CDC27: variants seen among roughly 807,000 people sequenced by gnomAD.
CDC27 encodes the protein cell division cycle 27.
In CDC27, 27 loss-of-function variants were observed where a neutral mutation model predicts 109.7. The ratio of observed to expected loss-of-function variants is 0.25; its 90% CI spans 0.18 to 0.34. CDC27 has a LOEUF of 0.34. Among genes scored for constraint, CDC27 ranks in the 10% least tolerant of loss-of-function variants. CDC27 has a pLI of 1.00. For missense variants in CDC27, 579 were observed against 960.2 expected (o/e 0.60, Z 5.25); for synonymous variants, 266 against 333.9 (o/e 0.80, Z 2.22).
chr17:47,171,582 T>G (rs1660436912), intron 3 of CDC27, among the ~76,000 whole-genome samples: 2 of 152,208 alleles, frequency 1.3e-5, no homozygotes, highest in Admixed American at 1.3e-4. Flanking sequence ...CAAGGGAGCC[T>G]TAATCTCAAG....
At chr17:47,123,986 A>C (rs1167118267) in intron 16 of CDC27, 26 bp from the exon 17 acceptor site, 2 of 1,520,080 alleles carry the variant, frequency 1.3e-6, no homozygotes, top group Non-Finnish European at 1.8e-6. Flanking sequence ...AAAAACCTTA[A>C]AGTAGCAAAA....
chr17:47,160,009 T>C (rs1008451658), intron 4 of CDC27: 1 of 239,680 alleles, frequency 4.2e-6, no homozygotes, highest in African/African-American at 2.3e-5. Context: ...TTCTTTTTTT[T>C]TTTTTTCAAA....
intron 16 of CDC27, among the ~76,000 whole-genome samples, chr17:47,125,235 CTTTTTTTTTT>C (rs58631604): frequency 7.9e-4 from 38 of 48,024 alleles, no homozygotes; most frequent in Non-Finnish European, 1.0e-3. Flanking sequence ...TTAAAGAAAT[CTTTTTTTTTT>C]TTTTTTTTTT....
rs767355429 is a variant in CDC27 at position 47,132,384 on chromosome 17, T to C, written c.1914-10A>G. On this transcript the variant is annotated splice_polypyrimidine_tract_variant and intron_variant, in intron 14 of 18. Coordinates refer to ENST00000066544, the MANE Select transcript of CDC27 (RefSeq NM_001256.6). ...CATTCCTAAACCATACCTGAAAGTA[T>C]AAAACAAAGTATAATTTTAAAAATA... The C allele has an allele frequency of 8.0e-7, 1 of 1,255,154 alleles. No homozygotes were observed. Among genetic ancestry groups the C allele is most frequent in the Non-Finnish European group, 1.1e-6 (1 of 884,100 alleles). 77.8% of individuals were successfully genotyped at this position (1,255,154 alleles called of 1,614,324 possible).
rs747188366 is a variant in CDC27, at chr17:47,157,127, G to A, written c.631-3C>T. ...TCTAAATTCAATCTGTTTAATTCCT[G>A]AAACAGAAAATTTCTACCAAGTCAT... is the stretch of plus-strand genomic sequence containing the variant. On this transcript the variant is annotated splice_region_variant and splice_polypyrimidine_tract_variant and intron_variant, in intron 6 of 18. Coordinates refer to ENST00000066544, the MANE Select transcript of CDC27 (RefSeq NM_001256.6). 2 of 1,549,618 alleles carry A rather than the reference G, an allele frequency of 1.3e-6. No homozygotes were observed. The highest frequency in any genetic ancestry group is 1.8e-6 in the Non-Finnish European group (2 of 1,139,536).
chr17:47,151,658 T>C (rs2063154393), intron 9 of CDC27, 148 bp downstream of exon 9: 8 of 517,818 alleles, frequency 1.5e-5, no homozygotes, highest in Admixed American at 3.9e-5. Flanking sequence ...TACATTAGTG[T>C]TGTAAGTTAG....
Position 47,144,871 on chromosome 17 carries a change from T to TCACACACACACACACACACACA in CDC27, c.1071-911_1071-890dup, listed in dbSNP as rs35160918. ...CTCTGTATATGCATGTGTGTGTATA[T>TCACACACACACACACACACACA]CACACACACACACACACACACATAA... On this transcript the variant is annotated intron_variant, in intron 9 of 18. Coordinates refer to ENST00000066544, the MANE Select transcript of CDC27 (RefSeq NM_001256.6). Among the ~76,000 whole-genome samples, 423 of 149,974 alleles carry TCACACACACACACACACACACA rather than the reference T, an allele frequency of 2.8e-3. 1 individual carries two copies. In the Middle Eastern group the frequency reaches 0.031, roughly 11 times the overall value.
chr17:47,159,487 G>A (rs973035372), intron 4 of CDC27: 111 of 553,736 alleles, frequency 2.0e-4, no homozygotes, highest in Non-Finnish European at 2.0e-4. Flanking sequence ...GGGGTGCGAC[G>A]AGGCGCACCA....
In CDC27 at chr17:47,123,958, A is replaced by C; in HGVS notation, c.2163T>G (p.Ser721=). The C allele has an allele frequency of 6.3e-7, 1 of 1,588,712 alleles. No individual in the cohort carries two copies. The highest frequency in any genetic ancestry group is 1.4e-5 in the African/African-American group (1 of 73,704). ...TCAATTCTTCAAGTTCTTGTAAAGCAGACTGAAAAAGGCAAAGAAAAACCT... is the reference window on the plus strand; with the variant it reads ...TCAATTCTTCAAGTTCTTGTAAAGCCGACTGAAAAAGGCAAAGAAAAACCT... ...SVLFANEKYK[S]ALQELEELKQ... is the part of the protein sequence containing the mutation. Residue 721 remains serine, a splice_region_variant and synonymous_variant, in exon 17 of 19, where the codon TCT becomes TCG. Coordinates refer to ENST00000066544, the MANE Select transcript of CDC27 (RefSeq NM_001256.6).
intron 14 of CDC27, among the ~76,000 whole-genome samples, chr17:47,133,115 A>AT (rs2062438933): frequency 1.3e-5 from 1 of 75,584 alleles, no homozygotes; most frequent in African/African-American, 5.5e-5. Context: ...ACATATATAT[A>AT]TATATATATA....
chr17:47,152,697 A>G (rs1567676565), intron 8 of CDC27, among the ~76,000 whole-genome samples: 2 of 152,226 alleles, frequency 1.3e-5, no homozygotes, highest in Non-Finnish European at 2.9e-5. Context: ...CTCAAACTGC[A>G]TATTATAAAT....
chr17:47,141,954 C>T lies in CDC27; in HGVS notation c.1450G>A (p.Ala484Thr), dbSNP rs555462910. The change falls in exon 12 of 19, where the codon GCT (alanine) becomes ACT (threonine). Residue 484 changes from alanine to threonine, a missense_variant. Transcript: ENST00000066544. ...LALCSYNCKE[A>T]INILSHLPSH... is the part of the protein sequence containing the mutation. ...GGTAGATGGCTCAAAATATTTATAG[C>T]TTCTTTGCAGTTGTATGAACACAAA... 1.2e-6 allele frequency: 2 copies of T among 1,608,798 alleles called. No homozygotes were observed. Among genetic ancestry groups the T allele is most frequent in the African/African-American group, 1.3e-5 (1 of 74,898 alleles).
At chr17:47,155,430 G>A (rs2063275182) in intron 7 of CDC27, among the ~76,000 whole-genome samples, 1 of 152,034 alleles carries the variant, frequency 6.6e-6, no homozygotes, top group Non-Finnish European at 1.5e-5. Context: ...AATTTTAGTA[G>A]AGATAGGGTT....
intron 3 of CDC27, chr17:47,170,245 C>T (rs139584150): frequency 1.4e-4 from 53 of 370,098 alleles, no homozygotes; most frequent in African/African-American, 1.0e-3. Context: ...GTTACCCAGG[C>T]TAGAGTGCAG....
At chr17:47,139,364 T>C (rs1400730337) in intron 12 of CDC27, among the ~76,000 whole-genome samples, 7 of 151,802 alleles carry the variant, frequency 4.6e-5, no homozygotes, top group Non-Finnish European at 8.8e-5. Context: ...CCTCCCGAGT[T>C]CACGCCCTTC....
At chr17:47,171,164 T>G (rs1453725538) in intron 3 of CDC27, 1 of 152,190 alleles carries the variant, frequency 6.6e-6, no homozygotes, top group Non-Finnish European at 1.5e-5. Flanking sequence ...AATTCCACAT[T>G]AGGATCTTTG....
intron 7 of CDC27, among the ~76,000 whole-genome samples, chr17:47,156,470 T>C (rs2063310135): frequency 6.6e-6 from 1 of 150,604 alleles, no homozygotes; most frequent in Non-Finnish European, 1.5e-5. Flanking sequence ...TTTTTTGAGT[T>C]GGAGTCTTGG....
intron 12 of CDC27, among the ~76,000 whole-genome samples, chr17:47,141,232 T>C (rs1262065584): frequency 6.6e-6 from 1 of 152,176 alleles, no homozygotes; most frequent in Non-Finnish European, 1.5e-5. Flanking sequence ...TATTAATATA[T>C]AGGTTTCTAA....
rs971539793 is a variant in CDC27, at chr17:47,120,812, C to T, written c.*123G>A. On this transcript the variant is annotated 3_prime_UTR_variant, in exon 19 of 19. Coordinates refer to ENST00000066544, the MANE Select transcript of CDC27 (RefSeq NM_001256.6). ...GTCAGGGTCCAATGAAAGTGGCACACTCATGGTATAAGTGACGGACGATGA... is the reference window on the plus strand; with the variant it reads ...GTCAGGGTCCAATGAAAGTGGCACATTCATGGTATAAGTGACGGACGATGA... 3 of 680,044 alleles carry T rather than the reference C, an allele frequency of 4.4e-6. No individual in the cohort carries two copies. Among genetic ancestry groups the T allele is most frequent in the Non-Finnish European group, 7.9e-6 (3 of 382,050 alleles). 42.1% of individuals were successfully genotyped at this position (680,044 alleles called of 1,614,324 possible).
Sources: gnomAD v4.1 joint callset for allele counts (sites outside exome capture counted in the v4.1 genomes callset) on GRCh38, gnomAD v4.1.1 for gene constraint, MANE v1.5 for transcripts, NCBI Gene and HGNC (gene_info 2026-07-23, HGNC 2026-07-21) for gene names.